The following PAMR1 variants were observed in gnomAD, a reference collection of about 807,000 sequenced individuals.
The protein encoded by PAMR1 is peptidase domain containing associated with muscle regeneration 1.
PAMR1 carries 88 observed loss-of-function variants against 81.8 expected under a neutral mutation model. That is an observed-to-expected ratio of 1.08 (90% confidence interval 0.91 to 1.28). The LOEUF is 1.28. Among genes scored for constraint, PAMR1 ranks in the 50% most tolerant of loss-of-function variants. The pLI is 0.00. For synonymous variants in PAMR1, 336 were observed against 345.3 expected (o/e 0.97, Z 0.30); for missense variants, 935 against 919.7 (o/e 1.02, Z -0.21).
rs375026661 is a variant in PAMR1, at chr11:35,432,775, C to T, written c.1744G>A (p.Ala582Thr). ...GAAGTGCTGAGATCCCGACTGGCAGCGAGGCAGATGGGCTGGACTCGGGTG... is the reference window on the plus strand; with the variant it reads ...GAAGTGCTGAGATCCCGACTGGCAGTGAGGCAGATGGGCTGGACTCGGGTG... ...ISTRVQPICLAASRDLSTSFQ... is the reference protein window; with the variant it reads ...ISTRVQPICLTASRDLSTSFQ... The change falls in exon 11 of 11, where the codon GCT becomes ACT. Residue 582 changes from alanine (A) to threonine (T), a missense_variant. Transcript: ENST00000619888. The T allele has an allele frequency of 1.1e-5, 17 of 1,612,664 alleles. No individual in the cohort carries two copies. The highest frequency in any genetic ancestry group is 9.3e-5 in the African/African-American group (7 of 74,912).
upstream of PAMR1, chr11:35,526,078 AAGG>A (rs200347955): frequency 6.7e-4 from 106 of 157,280 alleles, no homozygotes; most frequent in African/African-American, 2.4e-3. Context: ...GCCTGAGGAG[AAGG>A]AGGAGTTGGT....
chr11:35,434,414 C>A, intron 10 of PAMR1, 98 bp downstream of exon 10: 1 of 1,208,224 alleles, frequency 8.3e-7, no homozygotes. Context: ...TGGCTGCTGA[C>A]ATGCTAAGGG....
At chr11:35,519,623 T>C (rs1851234200) in intron 1 of PAMR1, among the ~76,000 whole-genome samples, 1 of 152,148 alleles carries the variant, frequency 6.6e-6, no homozygotes, top group Non-Finnish European at 1.5e-5. Flanking sequence ...CTGTTTCCTC[T>C]AGGGAATGGC....
At chr11:35,457,943 A>G (rs1856569517) in intron 6 of PAMR1, among the ~76,000 whole-genome samples, 1 of 152,134 alleles carries the variant, frequency 6.6e-6, no homozygotes, top group Admixed American at 6.5e-5. Flanking sequence ...TTAACTCTTC[A>G]TACCTCCCAT....
chr11:35,526,581 A>G (rs962706908), upstream of PAMR1, among the ~76,000 whole-genome samples: 28 of 152,224 alleles, frequency 1.8e-4, no homozygotes, highest in African/African-American at 6.0e-4. Flanking sequence ...GTATTTTACA[A>G]TTAGAGAAAC....
chr11:35,505,483 A>G (rs1270267882), intron 1 of PAMR1, among the ~76,000 whole-genome samples: 1 of 152,090 alleles, frequency 6.6e-6, no homozygotes, highest in Non-Finnish European at 1.5e-5. Context: ...CTCTCCCTTT[A>G]GATCTATTAA....
intron 1 of PAMR1, among the ~76,000 whole-genome samples, chr11:35,523,292 T>C (rs1176361699): frequency 6.6e-6 from 1 of 152,224 alleles, no homozygotes; most frequent in Non-Finnish European, 1.5e-5. Flanking sequence ...CCTGGTTGCA[T>C]TTATGTTCAT....
chr11:35,498,899 C>T (rs559226637), intron 1 of PAMR1, among the ~76,000 whole-genome samples: 3 of 152,342 alleles, frequency 2.0e-5, no homozygotes, highest in Non-Finnish European at 2.9e-5. Context: ...TTCTGTCTCA[C>T]TATCCTATGT....
chr11:35,500,491 A>T (rs917690067), intron 1 of PAMR1, among the ~76,000 whole-genome samples: 3 of 152,252 alleles, frequency 2.0e-5, no homozygotes, highest in African/African-American at 7.2e-5. Flanking sequence ...GACATTGGTC[A>T]AACGACCCCA....
At chr11:35,488,710 G>T in intron 3 of PAMR1, among the ~76,000 whole-genome samples, 1 of 102,222 alleles carries the variant, frequency 9.8e-6, no homozygotes, top group Non-Finnish European at 1.8e-5. Context: ...GTCTCACTCT[G>T]CCCAGGCTAG....
chr11:35,481,998 T>C (rs1034459690), intron 3 of PAMR1, among the ~76,000 whole-genome samples: 21 of 152,248 alleles, frequency 1.4e-4, no homozygotes, highest in African/African-American at 4.3e-4. Context: ...TTATTTGTTC[T>C]GATGATAGTT....
At chr11:35,489,478 T>C (rs1054657318) in intron 3 of PAMR1, among the ~76,000 whole-genome samples, 2 of 152,200 alleles carry the variant, frequency 1.3e-5, no homozygotes, top group African/African-American at 4.8e-5. Context: ...ATGGCTACCT[T>C]TGGATATGGT....
At chr11:35,511,968 G>A (rs772435926) in intron 1 of PAMR1, among the ~76,000 whole-genome samples, 13 of 152,140 alleles carry the variant, frequency 8.5e-5, no homozygotes, top group Non-Finnish European at 1.9e-4. Flanking sequence ...GTCACCAAGT[G>A]ACCCTCAGTC....
intron 1 of PAMR1, among the ~76,000 whole-genome samples, chr11:35,517,230 C>A (rs1384524367): frequency 1.3e-5 from 2 of 152,128 alleles, no homozygotes; most frequent in African/African-American, 4.8e-5. Flanking sequence ...TCTCCATAGC[C>A]CAAATTGATT....
chr11:35,439,645 G>A lies in PAMR1; in HGVS notation c.1082C>T (p.Pro361Leu), dbSNP rs142502220. ...ACCTCACCTTGACTGAACCTGCATC[G>A]GAAGAACTCTCCTTCTCACCAGGTC... The part of the protein sequence containing the change: ...ISDLVRRRVL[P>L]MQVQSRETPL... Residue 361 changes from proline (P) to leucine (L), a missense_variant, in exon 8 of 11, where the codon CCG becomes CTG. Physicochemically the swap from Pro to Leu is moderately conservative, Grantham distance 98. Coordinates refer to ENST00000619888, the MANE Select transcript of PAMR1 (RefSeq NM_001001991.3). 12 of 1,613,808 alleles carry A rather than the reference G, an allele frequency of 7.4e-6. No individual in the cohort carries two copies. Among genetic ancestry groups the A allele is most frequent in the African/African-American group, 5.3e-5 (4 of 74,912 alleles).
chr11:35,489,217 T>C (rs1435690691), intron 3 of PAMR1, among the ~76,000 whole-genome samples: 1 of 152,212 alleles, frequency 6.6e-6, no homozygotes, highest in Non-Finnish European at 1.5e-5. Context: ...GAGTCTCTTA[T>C]AGATGTCCAA....
intron 1 of PAMR1, among the ~76,000 whole-genome samples, chr11:35,521,915 G>GTTTTTTTTTTTTTTTTT: frequency 6.7e-6 from 1 of 150,048 alleles, no homozygotes; most frequent in East Asian, 1.9e-4. Context: ...TTTTTGTTTG[G>GTTTTTTTTTTTTTTTTT]TTTTTTTTTG....
At chr11:35,462,824 G>T (rs1021788614) in intron 6 of PAMR1, among the ~76,000 whole-genome samples, 1 of 152,228 alleles carries the variant, frequency 6.6e-6, no homozygotes, top group South Asian at 2.1e-4. Flanking sequence ...TGAAGACTCA[G>T]TGTCAAACCA....
intron 6 of PAMR1, among the ~76,000 whole-genome samples, chr11:35,450,103 A>G (rs939549182): frequency 1.4e-4 from 20 of 139,556 alleles, no homozygotes; most frequent in African/African-American, 4.6e-4. Flanking sequence ...ATTGCCTTCC[A>G]AGAAACTTAC....
Sources: allele counts gnomAD v4.1 joint callset (sites outside exome capture counted in the v4.1 genomes callset), GRCh38; gene constraint gnomAD v4.1.1; transcripts MANE v1.5; gene names NCBI Gene and HGNC (gene_info 2026-07-23, HGNC 2026-07-21).